Variants in MCTP2 observed in about 807,000 individuals in gnomAD.
MCTP2 encodes the protein multiple C2 and transmembrane domain containing 2, also known as multiple C2 and transmembrane domain-containing protein 2.
A neutral mutation model predicts 111.6 loss-of-function variants in MCTP2; 132 were observed. The observed-to-expected ratio is 1.18, with a 90% CI of 1.03 to 1.37. The LOEUF (loss-of-function observed/expected upper bound fraction) is 1.37. Ranked by LOEUF, MCTP2 falls within the 40% of genes most tolerant of loss-of-function variation. The pLI, the probability that MCTP2 is intolerant of heterozygous loss-of-function variation, is 0.00. For missense variants in MCTP2, 1,183 were observed against 1,067.9 expected (o/e 1.11, Z -1.50); for synonymous variants, 395 against 387.7 (o/e 1.02, Z -0.22).
rs60905293 is a variant in MCTP2 at position 94,258,034 on chromosome 15, A to ATTTTTT, written c.-66+26386_-66+26391dup. ...TGAGTACAGCACCTGCCACCATGTC[A>ATTTTTT]TTTTTTTTTTTTTTTTTTTTTAGTA... On this transcript the variant is annotated intron_variant, in intron 1 of 22. Coordinates refer to ENST00000357742, the MANE Select transcript of MCTP2 (RefSeq NM_001385001.1). Among the ~76,000 whole-genome samples, 672 of 98,940 alleles carry ATTTTTT rather than the reference A, an allele frequency of 6.8e-3. 23 individuals carry two copies. Among genetic ancestry groups the ATTTTTT allele is most frequent in the Admixed American group, 0.036 (286 of 8,014 alleles). 64.9% of individuals were successfully genotyped at this position (98,940 alleles called of 152,430 possible). A position where few individuals can be genotyped will look rare whatever the true frequency, so the allele number is the denominator to read the frequency against.
chr15:94,311,214 G>T (rs1248904666), intron 2 of MCTP2, among the ~76,000 whole-genome samples: 2 of 151,206 alleles, frequency 1.3e-5, no homozygotes, highest in Admixed American at 1.3e-4. Flanking sequence ...TATTAGAGAT[G>T]GGGGGGTTTG....
Position 94,435,629 on chromosome 15 carries a change from C to CTTTTTTTTTTTTTTTT in MCTP2, c.2086-4542_2086-4527dup, listed in dbSNP as rs202170550. Among the ~76,000 whole-genome samples, 152 of 117,904 alleles carry CTTTTTTTTTTTTTTTT rather than the reference C, an allele frequency of 1.3e-3. 7 individuals carry two copies. The highest frequency in any genetic ancestry group is 4.5e-3 in the East Asian group (17 of 3,806). The allele number at this position is 117,904 out of a possible 152,430, so 77.3% of individuals were successfully genotyped here. ...CTAAAAAAGTTGTACTTTTTTTATT[C>CTTTTTTTTTTTTTTTT]TTTTTTTTTTTTTTTTTTTTGAGAC... is the stretch of plus-strand genomic sequence containing the variant. On this transcript the variant is annotated intron_variant, in intron 17 of 22. Coordinates refer to ENST00000357742, the MANE Select transcript of MCTP2 (RefSeq NM_001385001.1).
intron 2 of MCTP2, among the ~76,000 whole-genome samples, chr15:94,308,716 T>A (rs77561605): frequency 1.3e-5 from 2 of 151,986 alleles, no homozygotes; most frequent in East Asian, 3.9e-4. Flanking sequence ...TTGATAAACT[T>A]TTTTTTTAGA....
chr15:94,262,255 TATA>T (rs1431291587), intron 1 of MCTP2, among the ~76,000 whole-genome samples: 1 of 152,244 alleles, frequency 6.6e-6, no homozygotes, highest in African/African-American at 2.4e-5. Flanking sequence ...TTTTAATATG[TATA>T]ATGTTTGTTA....
intron 1 of MCTP2, among the ~76,000 whole-genome samples, chr15:94,243,789 A>G (rs1244421588): frequency 1.3e-5 from 2 of 148,360 alleles, no homozygotes; most frequent in African/African-American, 4.9e-5. Context: ...ATATATATGT[A>G]TATACACATA....
rs747151695 is a variant in MCTP2 at position 94,340,236 on chromosome 15, G to A, written c.818G>A (p.Gly273Asp). 1.9e-5 allele frequency: 31 copies of A among 1,613,124 alleles called. No homozygotes were observed. In the South Asian group the frequency reaches 3.4e-4, roughly 18 times the overall value. The stretch of plus-strand genomic sequence containing the variant: ...GATTTAACCACATCTGATTTCATGG[G>A]TTCTGCATTTGTCATTCTCAGTGAT... The part of the protein sequence containing the change: ...DRDLTTSDFM[G>D]SAFVILSDLE... The change falls in exon 6 of 23, where the codon GGT (glycine) becomes GAT (aspartate). Residue 273 changes from glycine to aspartate, a missense_variant. Gly to Asp is a moderately conservative substitution (Grantham distance 94). Coordinates refer to ENST00000357742, the MANE Select transcript of MCTP2 (RefSeq NM_001385001.1).
intron 7 of MCTP2, 71 bp from the exon 8 acceptor site, chr15:94,345,058 C>T: frequency 6.6e-7 from 1 of 1,525,694 alleles, no homozygotes; most frequent in Non-Finnish European, 9.0e-7. Flanking sequence ...AATATAATTA[C>T]ATTGATAATG....
At chr15:94,327,656 A>C (rs1222675382) in intron 4 of MCTP2, among the ~76,000 whole-genome samples, 1 of 152,194 alleles carries the variant, frequency 6.6e-6, no homozygotes, top group East Asian at 1.9e-4. Context: ...GTAACACAGG[A>C]GTGGTTTTCC....
chr15:94,370,525 C>T (rs1046612365), intron 12 of MCTP2, among the ~76,000 whole-genome samples: 5 of 152,264 alleles, frequency 3.3e-5, no homozygotes, highest in South Asian at 2.1e-4. Context: ...TTCGACTTCT[C>T]GCCTTTTGCT....
chr15:94,323,809 GTTGTGTT>G, intron 4 of MCTP2, among the ~76,000 whole-genome samples: 1 of 152,124 alleles, frequency 6.6e-6, no homozygotes, highest in Non-Finnish European at 1.5e-5. Flanking sequence ...TTGCCTGTGT[GTTGTGTT>G]CATCTGACCC....
chr15:94,360,487 G>T (rs531742104), intron 10 of MCTP2, among the ~76,000 whole-genome samples: 1 of 152,198 alleles, frequency 6.6e-6, no homozygotes, highest in African/African-American at 2.4e-5. Flanking sequence ...TGTGCTAGCC[G>T]AAAGAGCAAA....
intron 19 of MCTP2, among the ~76,000 whole-genome samples, chr15:94,451,114 T>C (rs1186644977): frequency 6.6e-6 from 1 of 152,228 alleles, no homozygotes; most frequent in East Asian, 1.9e-4. Context: ...AGACACATTA[T>C]TTGTTCTTAG....
chr15:94,260,051 G>A (rs2073087540), intron 1 of MCTP2, among the ~76,000 whole-genome samples: 1 of 152,174 alleles, frequency 6.6e-6, no homozygotes, highest in African/African-American at 2.4e-5. Flanking sequence ...CTGTTCACCA[G>A]TGAGGTCATT....
rs1027728579 is a variant in MCTP2 at position 94,299,385 on chromosome 15, T to G, written c.465+655T>G. On this transcript the variant is annotated intron_variant, in intron 2 of 22. Transcript: ENST00000357742. The stretch of plus-strand genomic sequence containing the variant: ...ATACCTGTAGAAAAACCATGCATAT[T>G]ATTACTCCTAAGAAGCATATGAATG... Among the ~76,000 whole-genome samples the G allele has an allele frequency of 5.3e-5, 8 of 152,128 alleles. 1 individual carries two copies. The highest frequency in any genetic ancestry group is 1.2e-4 in the African/African-American group (5 of 41,440).
At chr15:94,325,340 G>A (rs2076814580) in intron 4 of MCTP2, among the ~76,000 whole-genome samples, 1 of 152,156 alleles carries the variant, frequency 6.6e-6, no homozygotes, top group African/African-American at 2.4e-5. Context: ...CTATTGCCGT[G>A]TGAATTGTCA....
chr15:94,311,908 G>A (rs2152357288), intron 2 of MCTP2, among the ~76,000 whole-genome samples: 1 of 152,256 alleles, frequency 6.6e-6, no homozygotes, highest in South Asian at 2.1e-4. Flanking sequence ...CCAGTCTGAG[G>A]GGTGATACGG....
rs1307142566 is a variant in MCTP2 at position 94,385,460 on chromosome 15, G to A, written c.1723G>A (p.Val575Met). The A allele has an allele frequency of 1.9e-6, 3 of 1,613,524 alleles. No individual in the cohort carries two copies. The highest frequency in any genetic ancestry group is 1.7e-5 in the Admixed American group (1 of 60,024). Residue 575 changes from valine to methionine, a missense_variant, in exon 14 of 23, where the codon GTG (valine) becomes ATG (methionine). Physicochemically the swap from Val to Met is conservative, Grantham distance 21 (BLOSUM62 1). Coordinates refer to ENST00000357742, the MANE Select transcript of MCTP2 (RefSeq NM_001385001.1). ...TATCCATGATGTTTTGGAAGTGACAGTGTTTGATGAAGATGGAGATAAACC... is the reference window on the plus strand; with the variant it reads ...TATCCATGATGTTTTGGAAGTGACAATGTTTGATGAAGATGGAGATAAACC... ...KDIHDVLEVT[V>M]FDEDGDKPPD...
rs1449812871 is a variant in MCTP2 at position 94,280,514 on chromosome 15, GTC to G, written c.-65-17684_-65-17683del. Among the ~76,000 whole-genome samples, 18 of 146,962 alleles carry G rather than the reference GTC, an allele frequency of 1.2e-4. No homozygotes were observed. The East Asian group carries it at 3.6e-3, about 30-fold the overall frequency. On this transcript the variant is annotated intron_variant, in intron 1 of 22. Coordinates refer to ENST00000357742, the MANE Select transcript of MCTP2 (RefSeq NM_001385001.1). ...TCTTCTCTTTTTTTTTTCTTCATTA[GTC>G]TCACTACCAATCTTATTCTTTCAAA...
At chr15:94,422,081 A>G (rs2082653944) in intron 17 of MCTP2, among the ~76,000 whole-genome samples, 1 of 152,176 alleles carries the variant, frequency 6.6e-6, no homozygotes, top group Admixed American at 6.6e-5. Flanking sequence ...AGAAATATGT[A>G]GAAGTCACAT....
Sources: gnomAD v4.1 joint callset for allele counts (sites outside exome capture counted in the v4.1 genomes callset) on GRCh38, gnomAD v4.1.1 for gene constraint, MANE v1.5 for transcripts, NCBI Gene and HGNC (gene_info 2026-07-23, HGNC 2026-07-21) for gene names.